CTNND2: variants seen among roughly 807,000 people sequenced by gnomAD.
CTNND2 encodes catenin delta-2.
CTNND2 carries 22 observed loss-of-function variants against 144.4 expected under a neutral mutation model. That is an observed-to-expected ratio of 0.15 (90% CI 0.11 to 0.22). The LOEUF (loss-of-function observed/expected upper bound fraction) is 0.22, where lower values mean the gene tolerates loss of function less well. CTNND2 is among the 10% of genes least tolerant of loss of function. CTNND2 has a pLI of 1.00. For synonymous variants in CTNND2, 751 were observed against 695.6 expected (o/e 1.08, Z -1.25); for missense variants, 1,353 against 1,618.8 (o/e 0.84, Z 2.82).
At chr5:11,139,375 C>T (rs1295649889) in intron 12 of CTNND2, among the ~76,000 whole-genome samples, 6 of 152,220 alleles carry the variant, frequency 3.9e-5, no homozygotes, top group Non-Finnish European at 5.9e-5. Flanking sequence ...TGAAAGCACG[C>T]TGACAGTGGC....
chr5:11,565,182 C>T (rs890938378), intron 2 of CTNND2, 126 bp from the exon 3 acceptor site: 2 of 694,546 alleles, frequency 2.9e-6, no homozygotes, highest in Non-Finnish European at 5.1e-6. Flanking sequence ...GAGAAATGTG[C>T]AATAAAACTA....
chr5:11,847,232 TA>T (rs1178435784), intron 1 of CTNND2, among the ~76,000 whole-genome samples: 1 of 146,818 alleles, frequency 6.8e-6, no homozygotes, highest in Non-Finnish European at 1.5e-5. Flanking sequence ...GAAATCGATC[TA>T]AAAGTCATCT....
At chr5:11,842,670 G>A (rs545848916) in intron 1 of CTNND2, among the ~76,000 whole-genome samples, 9 of 151,054 alleles carry the variant, frequency 6.0e-5, no homozygotes, top group Non-Finnish European at 1.2e-4. Flanking sequence ...AGTGAACGGA[G>A]ATGGTGCCAC....
chr5:11,032,947 A>C (rs991012941), intron 16 of CTNND2, among the ~76,000 whole-genome samples: 3 of 152,362 alleles, frequency 2.0e-5, no homozygotes, highest in African/African-American at 7.2e-5. Context: ...TGATGGTTAC[A>C]CAAATCCACA....
chr5:11,082,929 T>C, intron 15 of CTNND2, 83 bp from the exon 16 acceptor site: 1 of 1,502,580 alleles, frequency 6.7e-7, no homozygotes, highest in Non-Finnish European at 9.0e-7. Flanking sequence ...TTCAGGCGGC[T>C]GCTTACAGGA....
intron 5 of CTNND2, among the ~76,000 whole-genome samples, chr5:11,402,771 A>G (rs1348338940): frequency 2.6e-5 from 4 of 152,196 alleles, no homozygotes; most frequent in Non-Finnish European, 5.9e-5. Flanking sequence ...AGGTGTGTTT[A>G]TAAATATCAT....
At chr5:11,767,288 G>A (rs903489358) in intron 1 of CTNND2, among the ~76,000 whole-genome samples, 1 of 152,186 alleles carries the variant, frequency 6.6e-6, no homozygotes, top group East Asian at 1.9e-4. Context: ...TTGATGGCAG[G>A]AAAACCATTG....
In CTNND2 at chr5:10,992,591, G is replaced by T; in HGVS notation, c.3171C>A (p.Pro1057=). The T allele has an allele frequency of 6.2e-7, 1 of 1,614,112 alleles. No individual in the cohort carries two copies. The highest frequency in any genetic ancestry group is 8.5e-7 in the Non-Finnish European group (1 of 1,180,040). ...GAGACACGCGCACAGGGGAGATGGAGGGCGTGCGGGAGGAGGAGTAGGGCC... is the reference window on the plus strand; with the variant it reads ...GAGACACGCGCACAGGGGAGATGGATGGCGTGCGGGAGGAGGAGTAGGGCC... ...RQRPYSSSRT[P]SISPVRVSPN... is the part of the protein sequence containing the mutation. The change falls in exon 19 of 22, where the codon CCC becomes CCA. Residue 1057 remains proline (P), a synonymous_variant. Coordinates refer to ENST00000304623, the MANE Select transcript of CTNND2 (RefSeq NM_001332.4).
chr5:11,192,714 C>T (rs1017348806), intron 11 of CTNND2, among the ~76,000 whole-genome samples: 1 of 152,148 alleles, frequency 6.6e-6, no homozygotes, highest in Non-Finnish European at 1.5e-5. Flanking sequence ...TCCCCTAGAG[C>T]GTCCTGAAAG....
At chr5:11,119,824 C>G (rs1320588042) in intron 12 of CTNND2, among the ~76,000 whole-genome samples, 1 of 152,132 alleles carries the variant, frequency 6.6e-6, no homozygotes, top group African/African-American at 2.4e-5. Context: ...TGTGTACACC[C>G]TGATCTGAAA....
intron 18 of CTNND2, among the ~76,000 whole-genome samples, chr5:11,011,969 C>T (rs1169996491): frequency 6.6e-6 from 1 of 151,926 alleles, no homozygotes; most frequent in Non-Finnish European, 1.5e-5. Flanking sequence ...AAAATGTAGG[C>T]AGAGGTGACT....
intron 6 of CTNND2, among the ~76,000 whole-genome samples, chr5:11,387,496 G>A: frequency 6.6e-6 from 1 of 152,112 alleles, no homozygotes; most frequent in East Asian, 1.9e-4. Context: ...CTACCACTAA[G>A]CTGCAGACAT....
At chr5:11,115,606 TAAATGGTCTA>T (rs1049173428) in intron 13 of CTNND2, among the ~76,000 whole-genome samples, 3 of 152,262 alleles carry the variant, frequency 2.0e-5, no homozygotes, top group African/African-American at 7.2e-5. Flanking sequence ...TCGATGATAC[TAAATGGTCTA>T]AAATGGTCAC....
At chr5:11,207,399 AG>A (rs1414859183) in intron 10 of CTNND2, among the ~76,000 whole-genome samples, 1 of 151,828 alleles carries the variant, frequency 6.6e-6, no homozygotes, top group Non-Finnish European at 1.5e-5. Flanking sequence ...AAAAAAAAAA[AG>A]AATACATTCA....
At chr5:11,011,511 C>G (rs1271540964) in intron 18 of CTNND2, among the ~76,000 whole-genome samples, 1 of 152,168 alleles carries the variant, frequency 6.6e-6, no homozygotes, top group Non-Finnish European at 1.5e-5. Flanking sequence ...GCCACCATGC[C>G]CCGCCTGAAC....
intron 16 of CTNND2, among the ~76,000 whole-genome samples, chr5:11,051,390 C>A (rs934740334): frequency 6.6e-6 from 1 of 152,272 alleles, no homozygotes; most frequent in South Asian, 2.1e-4. Context: ...TTTTAGTAGC[C>A]TTGTAGAAAT....
chr5:11,272,071 T>G (rs1450720736), intron 9 of CTNND2, among the ~76,000 whole-genome samples: 1 of 152,180 alleles, frequency 6.6e-6, no homozygotes, highest in Non-Finnish European at 1.5e-5. Context: ...ATAATTTCCA[T>G]GTTTCTAAAA....
intron 14 of CTNND2, among the ~76,000 whole-genome samples, chr5:11,109,736 G>A (rs200647468): frequency 6.9e-6 from 1 of 144,122 alleles, no homozygotes; most frequent in African/African-American, 2.5e-5. Context: ...ATTTTTTAAA[G>A]GCCATTTGCA....
chr5:11,116,422 G>A (rs552455194), intron 13 of CTNND2, among the ~76,000 whole-genome samples: 1 of 152,278 alleles, frequency 6.6e-6, no homozygotes, highest in Admixed American at 6.5e-5. Flanking sequence ...CAATAAGGGT[G>A]GCTCTTGAGA....
Sources: allele counts gnomAD v4.1 joint callset (sites outside exome capture counted in the v4.1 genomes callset), GRCh38; gene constraint gnomAD v4.1.1; transcripts MANE v1.5; gene names NCBI Gene and HGNC (gene_info 2026-07-23, HGNC 2026-07-21).